The following ANO4 variants were observed in gnomAD, a reference collection of about 807,000 sequenced individuals.
ANO4 encodes anoctamin-4.
ANO4 carries 69 observed loss-of-function variants against 141.9 expected under a neutral mutation model. The observed-to-expected ratio is 0.49, with a 90% CI of 0.40 to 0.59. The LOEUF (loss-of-function observed/expected upper bound fraction) is 0.59. Ranked by LOEUF, ANO4 falls within the 20% of genes least tolerant of loss-of-function variation. The pLI, the probability that ANO4 is intolerant of heterozygous loss-of-function variation, is 0.00. For missense variants in ANO4, 894 were observed against 1,162.2 expected (o/e 0.77, Z 3.36); for synonymous variants, 350 against 394.3 (o/e 0.89, Z 1.33).
intron 9 of ANO4, among the ~76,000 whole-genome samples, chr12:101,028,946 C>T (rs1420900260): frequency 1.3e-5 from 2 of 152,142 alleles, no homozygotes; most frequent in African/African-American, 4.8e-5. Flanking sequence ...GTCAGGTCAC[C>T]TGCAAAGAAA....
chr12:100,733,879 AT>A (rs869164908), intron 2 of ANO4: 1 of 680,210 alleles, frequency 1.5e-6, no homozygotes, highest in Non-Finnish European at 2.7e-6. Context: ...TGTCATTTTG[AT>A]TTTTTTAAAA....
chr12:100,820,944 A>G (rs180936331), intron 1 of ANO4, among the ~76,000 whole-genome samples: 1 of 152,046 alleles, frequency 6.6e-6, no homozygotes, highest in East Asian at 1.9e-4. Flanking sequence ...CATTTCTTGT[A>G]TCTTATTTTT....
intron 17 of ANO4, among the ~76,000 whole-genome samples, chr12:101,092,895 T>G (rs768968583): frequency 1.3e-5 from 2 of 152,106 alleles, no homozygotes; most frequent in Admixed American, 6.6e-5. Context: ...TGAGAAAGGT[T>G]GTCTCATCAG....
At position 101,080,956 on chromosome 12, in the gene ANO4, CAT is replaced by C. The variant is rs572735757; in HGVS notation, c.1395+1692_1395+1693del. Among the ~76,000 whole-genome samples, 259 of 136,600 alleles carry C rather than the reference CAT, an allele frequency of 1.9e-3. 1 individual carries two copies. Among genetic ancestry groups the C allele is most frequent in the African/African-American group, 6.0e-3 (221 of 36,600 alleles). The allele number at this position is 136,600 out of a possible 152,430, so 89.6% of individuals were successfully genotyped here. The stretch of plus-strand genomic sequence containing the variant: ...TTTCTTCAAGTGGCCAATTTTCAAA[CAT>C]ATATATATATGTGTATATATATCTA... On this transcript the variant is annotated intron_variant, in intron 15 of 27. Coordinates refer to ENST00000392977, the MANE Select transcript of ANO4 (RefSeq NM_001286615.2).
intron 5 of ANO4, among the ~76,000 whole-genome samples, chr12:100,946,163 T>C (rs1256461729): frequency 6.6e-6 from 1 of 151,764 alleles, no homozygotes; most frequent in Non-Finnish European, 1.5e-5. Context: ...ATGACTGGAG[T>C]TCACTGAGCA....
chr12:100,821,876 T>C (rs2036074029), intron 1 of ANO4, among the ~76,000 whole-genome samples: 1 of 152,054 alleles, frequency 6.6e-6, no homozygotes, highest in African/African-American at 2.4e-5. Context: ...GAAATGGAAC[T>C]GATCATTCCA....
intron 1 of ANO4, among the ~76,000 whole-genome samples, chr12:100,806,508 G>GT (rs780546149): frequency 4.4e-4 from 35 of 79,398 alleles, no homozygotes; most frequent in African/African-American, 1.0e-3. Context: ...TTTTTAGGAG[G>GT]TTTTTTTTTT....
intron 1 of ANO4, among the ~76,000 whole-genome samples, chr12:100,842,780 T>C (rs1565927353): frequency 6.6e-6 from 1 of 152,086 alleles, no homozygotes; most frequent in Non-Finnish European, 1.5e-5. Flanking sequence ...TCGATCCCTT[T>C]AGCCCTTTTA....
chr12:100,756,296 A>G (rs2135512457), intron 3 of ANO4, among the ~76,000 whole-genome samples: 1 of 152,326 alleles, frequency 6.6e-6, no homozygotes, highest in South Asian at 2.1e-4. Context: ...TAAGCAGATT[A>G]GTGAAGATTC....
chr12:100,821,105 C>G (rs892112224), intron 1 of ANO4, among the ~76,000 whole-genome samples: 5 of 152,030 alleles, frequency 3.3e-5, no homozygotes, highest in African/African-American at 4.8e-5. Context: ...CACGAATTCA[C>G]CTGTTGATGC....
chr12:100,959,526 T>A (rs1346291182), intron 5 of ANO4, among the ~76,000 whole-genome samples: 1 of 152,196 alleles, frequency 6.6e-6, no homozygotes, highest in African/African-American at 2.4e-5. Context: ...GTTTTCAAAC[T>A]TCTCAGTTTG....
chr12:100,887,421 C>G (rs925891844), intron 1 of ANO4, among the ~76,000 whole-genome samples: 1 of 152,134 alleles, frequency 6.6e-6, no homozygotes, highest in Non-Finnish European at 1.5e-5. Context: ...CCATGCTACT[C>G]TCTTATGAAA....
chr12:100,831,684 G>T (rs181836384), intron 1 of ANO4, among the ~76,000 whole-genome samples: 1 of 152,054 alleles, frequency 6.6e-6, no homozygotes, highest in African/African-American at 2.4e-5. Flanking sequence ...TAAACTTGTG[G>T]TTCTAGCTTC....
intron 14 of ANO4, among the ~76,000 whole-genome samples, chr12:101,074,245 C>T (rs1344258212): frequency 6.6e-6 from 1 of 152,170 alleles, no homozygotes; most frequent in Non-Finnish European, 1.5e-5. Context: ...GCATTCCAGG[C>T]TGGCAGACAG....
chr12:100,909,394 C>A (rs904902109), intron 2 of ANO4, among the ~76,000 whole-genome samples: 2 of 151,960 alleles, frequency 1.3e-5, no homozygotes, highest in Admixed American at 1.3e-4. Flanking sequence ...GGTAGGACTC[C>A]TTGATTTCTT....
intron 7 of ANO4, among the ~76,000 whole-genome samples, chr12:100,977,991 A>G (rs1343472979): frequency 6.6e-6 from 1 of 152,184 alleles, no homozygotes; most frequent in African/African-American, 2.4e-5. Context: ...TTGTTCACCA[A>G]GGTGAGGTCT....
At chr12:100,952,162 C>T (rs900905167) in intron 5 of ANO4, among the ~76,000 whole-genome samples, 3 of 152,066 alleles carry the variant, frequency 2.0e-5, no homozygotes, top group Non-Finnish European at 4.4e-5. Context: ...AGAAAAGAGG[C>T]CTATGTATTT....
At chr12:101,059,554 A>G (rs2048262700) in intron 14 of ANO4, among the ~76,000 whole-genome samples, 1 of 152,188 alleles carries the variant, frequency 6.6e-6, no homozygotes, top group Non-Finnish European at 1.5e-5. Context: ...TTATTGGGCT[A>G]TTCAGGGGTT....
At chr12:100,936,291 G>T (rs933101498) in intron 3 of ANO4, among the ~76,000 whole-genome samples, 3 of 152,132 alleles carry the variant, frequency 2.0e-5, no homozygotes, top group Non-Finnish European at 4.4e-5. Context: ...TTCTAGGCTG[G>T]ATCACTCTGT....
Sources: gnomAD v4.1 joint callset for allele counts (sites outside exome capture counted in the v4.1 genomes callset) on GRCh38, gnomAD v4.1.1 for gene constraint, MANE v1.5 for transcripts, NCBI Gene and HGNC (gene_info 2026-07-23, HGNC 2026-07-21) for gene names.